SRRM4: variants seen among roughly 807,000 people sequenced by gnomAD.
SRRM4 encodes serine/arginine repetitive matrix protein 4.
In SRRM4, 33 loss-of-function variants were observed where a neutral mutation model predicts 68.9. The ratio of observed to expected loss-of-function variants is 0.48; its 90% confidence interval spans 0.36 to 0.64. SRRM4 has a LOEUF of 0.64. Ranked by LOEUF, SRRM4 falls within the 30% of genes least tolerant of loss-of-function variation. SRRM4 has a pLI of 0.00. For synonymous variants in SRRM4, 318 were observed against 318.8 expected, an observed-to-expected ratio of 1.00 and a Z score of 0.03; for missense variants, 817 against 827.1, an observed-to-expected ratio of 0.99 and a Z score of 0.15.
intron 1 of SRRM4, among the ~76,000 whole-genome samples, chr12:119,045,813 G>A (rs1417713671): frequency 4.0e-5 from 6 of 151,898 alleles, no homozygotes; most frequent in African/African-American, 9.7e-5. Context: ...CAAGGTGGGC[G>A]GATCACCTGA....
At chr12:119,134,382 T>TA (rs55867545) in intron 8 of SRRM4, among the ~76,000 whole-genome samples, 24,103 of 116,194 alleles carry the variant, frequency 0.21, 2,334 homozygotes, top group Middle Eastern at 0.29. Flanking sequence ...AGAGAGATTG[T>TA]AAAAAAAAAA....
At chr12:119,072,198 C>G (rs1953881701) in intron 1 of SRRM4, among the ~76,000 whole-genome samples, 1 of 152,178 alleles carries the variant, frequency 6.6e-6, no homozygotes, top group South Asian at 2.1e-4. Context: ...TTGGGTATTG[C>G]TGTTCTGTCT....
chr12:119,010,081 C>T (rs933036552), intron 1 of SRRM4, among the ~76,000 whole-genome samples: 4 of 152,180 alleles, frequency 2.6e-5, no homozygotes, highest in African/African-American at 7.2e-5. Context: ...GAGACCGAGT[C>T]TCTCTCTGTC....
intron 7 of SRRM4, among the ~76,000 whole-genome samples, chr12:119,129,061 C>T (rs1954277672): frequency 6.6e-6 from 1 of 152,172 alleles, no homozygotes; most frequent in Non-Finnish European, 1.5e-5. Context: ...GGCGCTAGTT[C>T]CTAGAGGGGC....
At chr12:119,006,680 AT>A (rs958586197) in intron 1 of SRRM4, among the ~76,000 whole-genome samples, 4 of 152,212 alleles carry the variant, frequency 2.6e-5, no homozygotes, top group African/African-American at 9.6e-5. Flanking sequence ...CCCAAGGAGA[AT>A]TTGTGTCCTT....
Position 118,981,998 on chromosome 12 carries a change from G to A in SRRM4, c.116G>A (p.Arg39His). The A allele has an allele frequency of 1.9e-6, 3 of 1,608,296 alleles. No homozygotes were observed. Among genetic ancestry groups the A allele is most frequent in the East Asian group, 2.2e-5 (1 of 44,596 alleles). Residue 39 changes from arginine (R) to histidine (H), a missense_variant, in exon 1 of 13, where the codon CGC (arginine) becomes CAC (histidine). By Grantham distance (29) the Arg-to-His change is conservative (BLOSUM62 0). Coordinates refer to ENST00000267260, the MANE Select transcript of SRRM4 (RefSeq NM_194286.4). ...ESIIVASITA[R>H]KPLPRTEPQN... ...ATCATTGTCGCCAGTATCACGGCCC[G>A]CAAGCCGCTGCCAAGGTAATGATCT...
intron 1 of SRRM4, among the ~76,000 whole-genome samples, chr12:119,018,110 A>T (rs1327095611): frequency 6.6e-6 from 1 of 152,224 alleles, no homozygotes; most frequent in African/African-American, 2.4e-5. Flanking sequence ...CAGTACTATG[A>T]CACTGGGTTT....
At chr12:119,012,815 A>T (rs774114554) in intron 1 of SRRM4, among the ~76,000 whole-genome samples, 3 of 152,226 alleles carry the variant, frequency 2.0e-5, no homozygotes, top group African/African-American at 2.4e-5. Flanking sequence ...GTCTCTATTG[A>T]TACTTCCTCT....
intron 9 of SRRM4, among the ~76,000 whole-genome samples, chr12:119,150,667 G>C (rs1486260672): frequency 6.6e-6 from 1 of 152,088 alleles, no homozygotes; most frequent in Non-Finnish European, 1.5e-5. Context: ...GTAATCAGAA[G>C]GACAGAAAAA....
intron 2 of SRRM4, among the ~76,000 whole-genome samples, chr12:119,105,768 G>T (rs1440960261): frequency 6.6e-6 from 1 of 152,144 alleles, no homozygotes; most frequent in East Asian, 1.9e-4. Context: ...CCATTCTGCA[G>T]GTTGCCTGTT....
chr12:119,000,991 G>A (rs1020857892), intron 1 of SRRM4: 6 of 151,754 alleles, frequency 4.0e-5, no homozygotes, highest in East Asian at 3.9e-4. Context: ...GCAGAATAGC[G>A]CCATCTTGGA....
chr12:119,085,073 G>C (rs553157037), intron 1 of SRRM4, among the ~76,000 whole-genome samples: 1 of 152,150 alleles, frequency 6.6e-6, no homozygotes, highest in South Asian at 2.1e-4. Context: ...GCTAATTTTT[G>C]TATTTTTAGT....
intron 12 of SRRM4, among the ~76,000 whole-genome samples, chr12:119,155,201 A>G (rs1460086697): frequency 6.6e-6 from 1 of 152,254 alleles, no homozygotes; most frequent in Non-Finnish European, 1.5e-5. Context: ...GCCTCAGAAG[A>G]GAAAAGCTCT....
chr12:119,154,527 C>G lies in SRRM4; in HGVS notation c.1532+144C>G, dbSNP rs1954460676. On this transcript the variant is annotated intron_variant, in intron 12 of 12. Coordinates refer to ENST00000267260, the MANE Select transcript of SRRM4 (RefSeq NM_194286.4). The surrounding 1 kb of genome is among the most constrained non-coding windows in gnomAD (Gnocchi z 4.7). ...CTTATGGTCCCCCCAACCCCAACAT[C>G]ATTGAAATTACGTGTCTGTTCAAAG... 1 of 904,820 alleles carries G rather than the reference C, an allele frequency of 1.1e-6. No homozygotes were observed. Among genetic ancestry groups the G allele is most frequent in the South Asian group, 1.7e-5 (1 of 58,418 alleles). The allele number at this position is 904,820 out of a possible 1,614,324, so 56.0% of individuals were successfully genotyped here.
At chr12:119,125,740 T>G (rs1410578358) in intron 7 of SRRM4, among the ~76,000 whole-genome samples, 3 of 151,928 alleles carry the variant, frequency 2.0e-5, no homozygotes, top group Non-Finnish European at 4.4e-5. Flanking sequence ...GCCAATATGG[T>G]GAAACCCTGT....
chr12:119,075,397 G>A (rs1463636952), intron 1 of SRRM4, among the ~76,000 whole-genome samples: 5 of 151,930 alleles, frequency 3.3e-5, no homozygotes, highest in Non-Finnish European at 7.4e-5. Context: ...GGATGATGAT[G>A]ATGATGATAA....
At position 119,002,884 on chromosome 12, in the gene SRRM4, C is replaced by T. The variant is rs1307017469; in HGVS notation, c.131+20871C>T. 3.3e-5 allele frequency among the ~76,000 whole-genome samples: 5 copies of T among 151,918 alleles called. 1 individual carries two copies. The East Asian group carries it at 7.9e-4, about 24-fold the overall frequency. ...ACAGTAACACCCAGCATCTATTAGG[C>T]GTCTACACCAAGGCCAGTGTTTACA... is the stretch of plus-strand genomic sequence containing the variant. On this transcript the variant is annotated intron_variant, in intron 1 of 12. Coordinates refer to ENST00000267260, the MANE Select transcript of SRRM4 (RefSeq NM_194286.4).
chr12:119,047,481 C>G (rs1257284014), intron 1 of SRRM4, among the ~76,000 whole-genome samples: 4 of 152,152 alleles, frequency 2.6e-5, no homozygotes, highest in Non-Finnish European at 5.9e-5. Context: ...ATCCCTCACC[C>G]TCCTCCCACC....
chr12:119,130,871 C>T (rs373236223), intron 8 of SRRM4, 37 bp downstream of exon 8: 221 of 1,584,368 alleles, frequency 1.4e-4, no homozygotes, highest in Admixed American at 1.1e-3. Flanking sequence ...CCAGCCTTGG[C>T]CACGACACTT....
Sources: allele counts gnomAD v4.1 joint callset (sites outside exome capture counted in the v4.1 genomes callset), GRCh38; gene constraint gnomAD v4.1.1; non-coding constraint Gnocchi (gnomAD v3.1); transcripts MANE v1.5; gene names NCBI Gene and HGNC (gene_info 2026-07-23, HGNC 2026-07-21).